Variants in BCAR3 observed in about 807,000 individuals in gnomAD.
BCAR3 encodes breast cancer anti-estrogen resistance protein 3.
BCAR3 carries 37 observed loss-of-function variants against 80.1 expected under a neutral mutation model. That is an observed-to-expected ratio of 0.46 (90% CI 0.36 to 0.61). BCAR3 has a LOEUF of 0.61. BCAR3 is among the 20% of genes least tolerant of loss of function. The pLI, the probability that BCAR3 is intolerant of heterozygous loss-of-function variation, is 0.00. For synonymous variants in BCAR3, 389 were observed against 418.9 expected (o/e 0.93, Z 0.87); for missense variants, 978 against 1,068.2 (o/e 0.92, Z 1.18).
intron 3 of BCAR3, among the ~76,000 whole-genome samples, chr1:93,692,224 C>T (rs555424962): frequency 6.6e-6 from 1 of 152,272 alleles, no homozygotes; most frequent in Admixed American, 6.5e-5. Context: ...TCAGTTTGGC[C>T]CTTTCCTCTC....
At chr1:93,696,337 G>C (rs1057381569) in intron 3 of BCAR3, among the ~76,000 whole-genome samples, 1 of 152,136 alleles carries the variant, frequency 6.6e-6, no homozygotes, top group African/African-American at 2.4e-5. Context: ...TCTCCATCCA[G>C]CTATTGCCCA....
rs759011238 is a variant in BCAR3 at position 93,592,374 on chromosome 1, A to G, written c.377T>C (p.Ile126Thr). The G allele has an allele frequency of 6.3e-7, 1 of 1,599,122 alleles. No homozygotes were observed. Among genetic ancestry groups the G allele is most frequent in the Non-Finnish European group, 8.5e-7 (1 of 1,177,362 alleles). Residue 126 changes from isoleucine (I) to threonine (T), a missense_variant, in exon 4 of 12, where the codon ATC becomes ACC. By Grantham distance (89) the Ile-to-Thr change is moderately conservative. Transcript: ENST00000260502. This position sits in a 1 kb window ranked among gnomAD's most constrained non-coding sequence, Gnocchi z 4.8. Reference protein sequence around the residue: ...EYVKFSKERHIMDRTPEKLKK... With the variant: ...EYVKFSKERHTMDRTPEKLKK... ...CAGTTTCTCGGGGGTCCTGTCCATG[A>G]TGTGCCTCTCCTTGGAGAACTGCAA...
chr1:93,611,841 G>T (rs1455857426), intron 3 of BCAR3, among the ~76,000 whole-genome samples: 4 of 152,194 alleles, frequency 2.6e-5, no homozygotes, highest in African/African-American at 7.2e-5. Context: ...CTCCAGAGAT[G>T]ATATGGATTA....
chr1:93,832,468 A>G (rs895553154), intron 2 of BCAR3, among the ~76,000 whole-genome samples: 2 of 152,172 alleles, frequency 1.3e-5, no homozygotes, highest in Non-Finnish European at 2.9e-5. Flanking sequence ...GAGCTCCTGG[A>G]ACTCTGGCCC....
chr1:93,827,747 G>C (rs1437650627), intron 2 of BCAR3, among the ~76,000 whole-genome samples: 1 of 152,096 alleles, frequency 6.6e-6, no homozygotes, highest in East Asian at 1.9e-4. Context: ...GGGAAAGGAG[G>C]AGAGAAAGGA....
At chr1:93,819,460 T>C (rs532528175) in intron 2 of BCAR3, among the ~76,000 whole-genome samples, 1 of 152,364 alleles carries the variant, frequency 6.6e-6, no homozygotes, top group African/African-American at 2.4e-5. Flanking sequence ...CCACTTGCTT[T>C]TGCTTTTAAC....
At chr1:93,573,633 AT>A (rs1156233219) in intron 8 of BCAR3, among the ~76,000 whole-genome samples, 77 of 138,294 alleles carry the variant, frequency 5.6e-4, no homozygotes, top group Non-Finnish European at 6.7e-4. Flanking sequence ...TATTATTATT[AT>A]TTTTTTTTTT....
chr1:93,642,217 G>C, intron 3 of BCAR3, 87 bp downstream of exon 3: 1 of 1,433,034 alleles, frequency 7.0e-7, no homozygotes, highest in South Asian at 1.2e-5. Context: ...CACAAACCAG[G>C]CTGCAGCATT....
At chr1:93,589,562 T>A in intron 4 of BCAR3, 143 bp from the exon 5 acceptor site, 1 of 747,356 alleles carries the variant, frequency 1.3e-6, no homozygotes, top group South Asian at 1.9e-5. Context: ...TTTTCAAAGA[T>A]CAAATTCATA....
At chr1:93,833,155 A>G (rs1654635611) in intron 2 of BCAR3, among the ~76,000 whole-genome samples, 1 of 152,186 alleles carries the variant, frequency 6.6e-6, no homozygotes, top group Admixed American at 6.5e-5. Context: ...TGGGGGTGAC[A>G]TCACATGTCG....
At chr1:93,666,685 G>A (rs1004543745) in intron 2 of BCAR3, among the ~76,000 whole-genome samples, 4 of 152,186 alleles carry the variant, frequency 2.6e-5, no homozygotes, top group Non-Finnish European at 4.4e-5. Context: ...GAACAATCAG[G>A]CAAAGGCTCG....
In BCAR3 at chr1:93,786,916, T is replaced by C. The variant is rs553027725; in HGVS notation, c.-63+58651A>G. ...TTTAGTGGATCATCTGGGCCAATGT[T>C]CCTCCAACTGTGATTTTTCACACTG... On this transcript the variant is annotated intron_variant, in intron 2 of 13. Coordinates refer to the BCAR3 transcript ENST00000370244. 9.2e-5 allele frequency among the ~76,000 whole-genome samples: 14 copies of C among 152,312 alleles called. No individual in the cohort carries two copies. The East Asian group carries it at 2.1e-3, about 23-fold the overall frequency.
At chr1:93,580,156 T>C (rs1024806922) in intron 7 of BCAR3, among the ~76,000 whole-genome samples, 3 of 152,312 alleles carry the variant, frequency 2.0e-5, no homozygotes, top group Middle Eastern at 6.8e-3. Flanking sequence ...GGGTCTTGTT[T>C]ACTCCAGGAT....
At chr1:93,579,544 C>T (rs1372698643) in intron 7 of BCAR3, among the ~76,000 whole-genome samples, 1 of 152,178 alleles carries the variant, frequency 6.6e-6, no homozygotes, top group Non-Finnish European at 1.5e-5. Context: ...AAATGCACCA[C>T]AGCAAGCCAG....
At position 93,786,192 on chromosome 1, in the gene BCAR3, CAAAAAAAAAAAA is replaced by C. The variant is rs61644309; in HGVS notation, c.-63+59363_-63+59374del. ...TGGGCGTCAGAGCGAGACTCCGTCT[CAAAAAAAAAAAA>C]AAAAAAAAAAAAAAAGTGCCATGCA... On this transcript the variant is annotated intron_variant, in intron 2 of 13. Coordinates refer to the BCAR3 transcript ENST00000370244. Among the ~76,000 whole-genome samples the C allele has an allele frequency of 2.8e-3, 64 of 23,250 alleles. 6 individuals are homozygous for C. Among genetic ancestry groups the C allele is most frequent in the African/African-American group, 0.012 (59 of 5,084 alleles). The allele number at this position is 23,250 out of a possible 152,430, so 15.3% of individuals were successfully genotyped here.
At chr1:93,844,254 C>A (rs963655205) in intron 2 of BCAR3, among the ~76,000 whole-genome samples, 1 of 152,116 alleles carries the variant, frequency 6.6e-6, no homozygotes, top group Non-Finnish European at 1.5e-5. Context: ...TTGCAGTGAG[C>A]CAAGATCATG....
chr1:93,816,899 G>A (rs953237901), intron 2 of BCAR3, among the ~76,000 whole-genome samples: 5 of 151,992 alleles, frequency 3.3e-5, no homozygotes, highest in Admixed American at 2.0e-4. Flanking sequence ...AAAAACAGGT[G>A]CTAACTTGTA....
chr1:93,630,805 T>C (rs571224166), intron 3 of BCAR3, among the ~76,000 whole-genome samples: 29 of 152,292 alleles, frequency 1.9e-4, no homozygotes, highest in Admixed American at 1.7e-3. Flanking sequence ...GCTAAGTACA[T>C]GTGGGGCACT....
intron 2 of BCAR3, among the ~76,000 whole-genome samples, chr1:93,773,131 C>T (rs1432349470): frequency 6.6e-6 from 1 of 152,116 alleles, no homozygotes; most frequent in Non-Finnish European, 1.5e-5. Context: ...CTTGCAGACC[C>T]CAAAGGCAGG....
Sources: allele counts gnomAD v4.1 joint callset (sites outside exome capture counted in the v4.1 genomes callset), GRCh38; gene constraint gnomAD v4.1.1; non-coding constraint Gnocchi (gnomAD v3.1); transcripts MANE v1.5; gene names NCBI Gene and HGNC (gene_info 2026-07-23, HGNC 2026-07-21).